HSDL2: variants seen among roughly 807,000 people sequenced by gnomAD.
HSDL2 encodes hydroxysteroid dehydrogenase-like protein 2.
HSDL2 carries 27 observed loss-of-function variants against 46.3 expected under a neutral mutation model. That is an observed-to-expected ratio of 0.58 (90% CI 0.43 to 0.80). HSDL2 has a LOEUF of 0.80. Ranked by LOEUF, HSDL2 falls within the 30% of genes least tolerant of loss-of-function variation. The pLI, the probability that HSDL2 is intolerant of heterozygous loss-of-function variation, is 0.00. For missense variants in HSDL2, 451 were observed against 502.7 expected, an observed-to-expected ratio of 0.90 and a Z score of 0.98; for synonymous variants, 153 against 163.6, an observed-to-expected ratio of 0.94 and a Z score of 0.50.
At chr9:112,415,339 T>C (rs1054877775) in intron 4 of HSDL2, among the ~76,000 whole-genome samples, 2 of 152,220 alleles carry the variant, frequency 1.3e-5, no homozygotes, top group South Asian at 4.1e-4. Flanking sequence ...GTTTATTTCA[T>C]GTTTAGTATA....
Position 112,409,039 on chromosome 9 carries a change from G to A in HSDL2, c.395+18G>A. 1 of 1,393,556 alleles carries A rather than the reference G, an allele frequency of 7.2e-7. No individual in the cohort carries two copies. Among genetic ancestry groups the A allele is most frequent in the Non-Finnish European group, 1.0e-6 (1 of 987,650 alleles). 86.3% of individuals were successfully genotyped at this position (1,393,556 alleles called of 1,614,324 possible). A position where few individuals can be genotyped will look rare whatever the true frequency, so the allele number is the denominator to read the frequency against. On this transcript the variant is annotated intron_variant, in intron 4 of 10. Transcript: ENST00000398805. ...TACCTTGCGTAAGTTTGCAAGAAGA[G>A]TTGTTGGGGAGGAAGTTGCGGTGTT...
intron 4 of HSDL2, among the ~76,000 whole-genome samples, chr9:112,415,178 A>G (rs538049040): frequency 6.6e-6 from 1 of 152,290 alleles, no homozygotes; most frequent in South Asian, 2.1e-4. Flanking sequence ...AAAGCTATGT[A>G]TTGCACCCAA....
chr9:112,432,024 C>T (rs531630614), intron 6 of HSDL2, among the ~76,000 whole-genome samples: 29 of 152,118 alleles, frequency 1.9e-4, no homozygotes, highest in South Asian at 2.1e-4. Context: ...GGATTACAGG[C>T]GTGCGCCACC....
chr9:112,435,405 C>T (rs757374756), intron 6 of HSDL2, among the ~76,000 whole-genome samples: 17 of 152,214 alleles, frequency 1.1e-4, no homozygotes, highest in Non-Finnish European at 2.5e-4. Context: ...AAAAGTTCTG[C>T]AGTTTTCGGG....
intron 8 of HSDL2, among the ~76,000 whole-genome samples, chr9:112,446,998 G>A (rs796968949): frequency 5.3e-5 from 8 of 152,326 alleles, no homozygotes; most frequent in African/African-American, 1.7e-4. Flanking sequence ...GAAAGCACAG[G>A]AGACCTGTCT....
chr9:112,429,956 G>A (rs1296314934), intron 6 of HSDL2, among the ~76,000 whole-genome samples: 4 of 152,028 alleles, frequency 2.6e-5, no homozygotes, highest in African/African-American at 7.2e-5. Context: ...GGTGGTGTGC[G>A]CCTGTCGTCC....
chr9:112,470,316 A>G (rs1165890600), intron 10 of HSDL2, 116 bp from the exon 11 acceptor site: 2 of 532,838 alleles, frequency 3.8e-6, no homozygotes, highest in Non-Finnish European at 6.6e-6. Flanking sequence ...AGAAATTTCT[A>G]TGCTTCTGAG....
rs1832057261 is a variant in HSDL2, at chr9:112,418,896, T to C, written c.536T>C (p.Val179Ala). 6.2e-7 allele frequency: 1 copy of C among 1,605,440 alleles called. No homozygotes were observed. Among genetic ancestry groups the C allele is most frequent in the Non-Finnish European group, 8.5e-7 (1 of 1,173,868 alleles). The change falls in exon 6 of 11, where the codon GTG becomes GCG. Residue 179 changes from valine (V) to alanine (A), a missense_variant. Val to Ala is a moderately conservative substitution (Grantham distance 64). Transcript: ENST00000398805. The part of the protein sequence containing the change: ...TIAKYGMSMY[V>A]LGMAEEFKGE... ...GCTAAGTATGGTATGTCTATGTATG[T>C]GCTTGGAATGGCAGAAGAATTTAAA...
At chr9:112,423,549 T>C (rs1368409387) in intron 6 of HSDL2, among the ~76,000 whole-genome samples, 1 of 151,616 alleles carries the variant, frequency 6.6e-6, no homozygotes, top group African/African-American at 2.4e-5. Context: ...ACCTCAGGGA[T>C]CCACCTGCCT....
chr9:112,428,489 A>T (rs1013348234), intron 6 of HSDL2, among the ~76,000 whole-genome samples: 3 of 152,172 alleles, frequency 2.0e-5, no homozygotes, highest in Non-Finnish European at 4.4e-5. Context: ...ATATGTCAAG[A>T]CTCGTTGGTG....
At chr9:112,452,271 G>A (rs1832904564) in intron 8 of HSDL2, among the ~76,000 whole-genome samples, 1 of 152,196 alleles carries the variant, frequency 6.6e-6, no homozygotes, top group Non-Finnish European at 1.5e-5. Context: ...TAGATTTCAT[G>A]TAATAACCTT....
chr9:112,452,541 G>GT (rs1183125733), intron 8 of HSDL2, among the ~76,000 whole-genome samples: 1 of 152,144 alleles, frequency 6.6e-6, no homozygotes, highest in Non-Finnish European at 1.5e-5. Flanking sequence ...GAGGTAAGGA[G>GT]TTTGAGACCA....
rs530121475 is a variant in HSDL2, at chr9:112,459,633, C to T, written c.1144+56C>T. ...TTGTTCAGAGAAAATTTAGTTCTGA[C>T]ATTTTGCTTTATCCCTTCCCAAATA... On this transcript the variant is annotated intron_variant, in intron 10 of 10. Coordinates refer to ENST00000398805, the MANE Select transcript of HSDL2 (RefSeq NM_032303.5). 41 of 1,490,334 alleles carry T rather than the reference C, an allele frequency of 2.8e-5. 2 individuals carry two copies. The Middle Eastern group carries it at 5.2e-4, about 19-fold the overall frequency. 92.3% of individuals were successfully genotyped at this position (1,490,334 alleles called of 1,614,324 possible).
At chr9:112,397,984 G>T (rs568083360) in intron 1 of HSDL2, among the ~76,000 whole-genome samples, 1 of 152,116 alleles carries the variant, frequency 6.6e-6, no homozygotes, top group Non-Finnish European at 1.5e-5. Context: ...TTTTTCTGGC[G>T]TAATAAGTGT....
chr9:112,427,989 C>CTGG (rs1832291656), intron 6 of HSDL2, among the ~76,000 whole-genome samples: 2 of 152,130 alleles, frequency 1.3e-5, no homozygotes, highest in Non-Finnish European at 2.9e-5. Context: ...TATTAAAGCC[C>CTGG]TGGTGGTACT....
intron 6 of HSDL2, among the ~76,000 whole-genome samples, chr9:112,422,538 A>G (rs1832147964): frequency 6.6e-6 from 1 of 152,198 alleles, no homozygotes; most frequent in South Asian, 2.1e-4. Flanking sequence ...AGCAGCTTGG[A>G]TATTCTAGTG....
Position 112,462,190 on chromosome 9 carries a change from G to A in HSDL2, c.1144+2613G>A, listed in dbSNP as rs567684880. ...ATAAATACAAAAATTTAGGCCAGGC[G>A]TGGTGGTTCATTTCTGTAATCCCAG... is the stretch of plus-strand genomic sequence containing the variant. On this transcript the variant is annotated intron_variant, in intron 10 of 10. Transcript: ENST00000398805. Among the ~76,000 whole-genome samples the A allele has an allele frequency of 5.9e-5, 9 of 152,232 alleles. No homozygotes were observed. The South Asian group carries it at 1.2e-3, about 21-fold the overall frequency.
chr9:112,414,861 G>GCTTA (rs1165441998), intron 4 of HSDL2, among the ~76,000 whole-genome samples: 5 of 151,974 alleles, frequency 3.3e-5, no homozygotes, highest in Non-Finnish European at 2.9e-5. Context: ...GTAAGATGTT[G>GCTTA]CTGTTTTTAA....
intron 8 of HSDL2, among the ~76,000 whole-genome samples, chr9:112,450,646 T>C (rs1423090332): frequency 1.7e-5 from 2 of 121,026 alleles, no homozygotes; most frequent in African/African-American, 6.5e-5. Flanking sequence ...AAAAAAAGTA[T>C]AGAACAGCTC....
Sources: gnomAD v4.1 joint callset for allele counts (sites outside exome capture counted in the v4.1 genomes callset) on GRCh38, gnomAD v4.1.1 for gene constraint, MANE v1.5 for transcripts, NCBI Gene and HGNC (gene_info 2026-07-23, HGNC 2026-07-21) for gene names.